Variants in PCCA observed in about 807,000 individuals in gnomAD.
PCCA encodes the protein propionyl-CoA carboxylase alpha chain, mitochondrial.
PCCA carries 74 observed loss-of-function variants against 101.3 expected under a neutral mutation model. The ratio of observed to expected loss-of-function variants is 0.73; its 90% CI spans 0.61 to 0.89. The LOEUF is 0.89. PCCA is among the 40% of genes least tolerant of loss of function. PCCA has a pLI of 0.00. For missense variants in PCCA, 891 were observed against 907.0 expected (o/e 0.98, Z 0.23); for synonymous variants, 294 against 313.6 (o/e 0.94, Z 0.66).
At chr13:100,120,111 C>T (rs559646511) in intron 4 of PCCA, among the ~76,000 whole-genome samples, 1 of 152,104 alleles carries the variant, frequency 6.6e-6, no homozygotes, top group South Asian at 2.1e-4. Context: ...GATCCACCCG[C>T]CTCAGCCTCC....
At chr13:100,096,050 T>C (rs1271971293) in intron 1 of PCCA, among the ~76,000 whole-genome samples, 3 of 152,098 alleles carry the variant, frequency 2.0e-5, no homozygotes, top group Non-Finnish European at 4.4e-5. Context: ...ACTTGGAATG[T>C]ATTTTGGAGC....
intron 16 of PCCA, among the ~76,000 whole-genome samples, chr13:100,317,262 CTTTA>C (rs901322910): frequency 6.6e-6 from 1 of 152,024 alleles, no homozygotes; most frequent in African/African-American, 2.4e-5. Context: ...TTTTCCAGAA[CTTTA>C]TTTATTTATT....
At chr13:100,518,569 A>G (rs987656245) in intron 22 of PCCA, among the ~76,000 whole-genome samples, 2 of 152,248 alleles carry the variant, frequency 1.3e-5, no homozygotes, top group Non-Finnish European at 2.9e-5. Flanking sequence ...GTGGCAGGTC[A>G]CATTTTAAAT....
At chr13:100,421,797 G>A (rs976372519) in intron 19 of PCCA, among the ~76,000 whole-genome samples, 12 of 151,986 alleles carry the variant, frequency 7.9e-5, no homozygotes, top group African/African-American at 2.7e-4. Flanking sequence ...CGATTCTCCT[G>A]CCTCAGCCTC....
At chr13:100,148,096 T>G (rs2052800715) in intron 4 of PCCA, among the ~76,000 whole-genome samples, 2 of 152,064 alleles carry the variant, frequency 1.3e-5, no homozygotes, top group Non-Finnish European at 2.9e-5. Context: ...TTTAGTCTTT[T>G]TATTTTTTAT....
intron 16 of PCCA, among the ~76,000 whole-genome samples, chr13:100,312,930 T>C (rs927777578): frequency 7.9e-5 from 12 of 152,146 alleles, no homozygotes; most frequent in African/African-American, 2.9e-4. Flanking sequence ...GCTCAAAGGA[T>C]TTATGAGAGA....
intron 6 of PCCA, among the ~76,000 whole-genome samples, chr13:100,201,029 T>TGG (rs2058454015): frequency 6.6e-6 from 1 of 152,188 alleles, no homozygotes; most frequent in Non-Finnish European, 1.5e-5. Context: ...TGTCTTGTCC[T>TGG]GTGCTATACA....
At chr13:100,515,403 G>A in intron 21 of PCCA, 24 bp from the exon 22 acceptor site, 1 of 1,610,818 alleles carries the variant, frequency 6.2e-7, no homozygotes, top group Non-Finnish European at 8.5e-7. Flanking sequence ...CTCATTTATG[G>A]TTTGGTTTTG....
chr13:100,114,059 T>C (rs554876278), intron 4 of PCCA, among the ~76,000 whole-genome samples: 2 of 152,304 alleles, frequency 1.3e-5, no homozygotes, highest in Non-Finnish European at 2.9e-5. Flanking sequence ...ATGCACACAT[T>C]AGCCTAGACC....
At chr13:100,309,014 A>G (rs1405695021) in intron 15 of PCCA, among the ~76,000 whole-genome samples, 1 of 152,080 alleles carries the variant, frequency 6.6e-6, no homozygotes, top group Non-Finnish European at 1.5e-5. Context: ...TGTGTATATT[A>G]TATGTAAAAC....
intron 10 of PCCA, among the ~76,000 whole-genome samples, chr13:100,268,267 G>A (rs2063074974): frequency 6.6e-6 from 1 of 152,162 alleles, no homozygotes; most frequent in South Asian, 2.1e-4. Flanking sequence ...GGGTGGAAAT[G>A]CATACAATGT....
intron 9 of PCCA, 137 bp from the exon 10 acceptor site, chr13:100,262,588 AAAAT>A: frequency 1.6e-6 from 1 of 641,198 alleles, no homozygotes; most frequent in Non-Finnish European, 2.8e-6. Context: ...AGAATAAGCC[AAAAT>A]AAATATTTAA....
At chr13:100,199,758 A>G (rs1254982388) in intron 6 of PCCA, among the ~76,000 whole-genome samples, 2 of 152,250 alleles carry the variant, frequency 1.3e-5, no homozygotes, top group Non-Finnish European at 2.9e-5. Flanking sequence ...ATATTTAGAA[A>G]GAAACCCTTC....
At chr13:100,527,776 C>A (rs751317456) in intron 23 of PCCA, 24 bp downstream of exon 23, 1 of 1,544,964 alleles carries the variant, frequency 6.5e-7, no homozygotes, top group Middle Eastern at 1.7e-4. Context: ...TCCCCATCAG[C>A]CCAGGCCGGC....
intron 20 of PCCA, among the ~76,000 whole-genome samples, chr13:100,426,539 T>G (rs1166482801): frequency 6.6e-6 from 1 of 152,162 alleles, no homozygotes; most frequent in East Asian, 1.9e-4. Flanking sequence ...TAAGACTACT[T>G]ACTCCATACC....
chr13:100,347,661 A>G (rs2072485443), intron 18 of PCCA, among the ~76,000 whole-genome samples: 1 of 152,194 alleles, frequency 6.6e-6, no homozygotes, highest in South Asian at 2.1e-4. Context: ...TGTAAATGTG[A>G]TAATTGCTAC....
chr13:100,369,397 A>G (rs1441605701), intron 19 of PCCA, among the ~76,000 whole-genome samples: 1 of 152,244 alleles, frequency 6.6e-6, no homozygotes, highest in Non-Finnish European at 1.5e-5. Context: ...TTTCACACAA[A>G]TAAGACCTGG....
At chr13:100,337,598 A>C in intron 17 of PCCA, among the ~76,000 whole-genome samples, 1 of 152,174 alleles carries the variant, frequency 6.6e-6, no homozygotes, top group South Asian at 2.1e-4. Flanking sequence ...AATATCAGTA[A>C]AATGCTTGAA....
At chr13:100,112,426 A>G (rs2048401994) in intron 4 of PCCA, among the ~76,000 whole-genome samples, 1 of 152,210 alleles carries the variant, frequency 6.6e-6, no homozygotes, top group Non-Finnish European at 1.5e-5. Flanking sequence ...AGGGAATGCT[A>G]CAATTGTTTA....
Sources: gnomAD v4.1 joint callset for allele counts (sites outside exome capture counted in the v4.1 genomes callset) on GRCh38, gnomAD v4.1.1 for gene constraint, MANE v1.5 for transcripts, NCBI Gene and HGNC (gene_info 2026-07-23, HGNC 2026-07-21) for gene names.